The following ITGA5 variants were observed in gnomAD, a reference collection of about 807,000 sequenced individuals.
The protein encoded by ITGA5 is integrin subunit alpha 5, also known as integrin alpha-5.
Under a neutral mutation model 146.3 loss-of-function variants are expected in ITGA5, and 55 were observed. That is an observed-to-expected ratio of 0.38 (90% confidence interval 0.30 to 0.47). The LOEUF (loss-of-function observed/expected upper bound fraction) is 0.47. Among genes scored for constraint, ITGA5 ranks in the 20% least tolerant of loss-of-function variants. The pLI is 0.99. For synonymous variants in ITGA5, 500 were observed against 531.8 expected (o/e 0.94, Z 0.82); for missense variants, 1,131 against 1,329.0 (o/e 0.85, Z 2.32).
Position 54,396,018 on chromosome 12 carries a change from G to A in ITGA5, c.*275C>T. ...TCAGGAAACTCTCCAAAATGCAAAG[G>A]CTTCAGGGAGGCTGGGGCCTCTGTC... On this transcript the variant is annotated 3_prime_UTR_variant, in exon 30 of 30. Coordinates refer to ENST00000293379, the MANE Select transcript of ITGA5 (RefSeq NM_002205.5). 2.6e-6 allele frequency: 1 copy of A among 378,584 alleles called. No homozygotes were observed. The highest frequency in any genetic ancestry group is 4.9e-6 in the Non-Finnish European group (1 of 205,968). 23.5% of individuals were successfully genotyped at this position (378,584 alleles called of 1,614,324 possible).
chr12:54,408,938 T>C lies in ITGA5; in HGVS notation c.600A>G (p.Ala200=). 6.2e-7 allele frequency: 1 copy of C among 1,614,094 alleles called. No individual in the cohort carries two copies. The highest frequency in any genetic ancestry group is 8.5e-7 in the Non-Finnish European group (1 of 1,180,008). The change falls in exon 5 of 30, where the codon GCA becomes GCG. Residue 200 remains alanine (A), a synonymous_variant. Coordinates refer to ENST00000293379, the MANE Select transcript of ITGA5 (RefSeq NM_002205.5). ...APCRSDFSWA[A]GQGYCQGGFS... is the part of the protein sequence containing the mutation. ...AGCCTCCTTGGCAGTAACCCTGTCC[T>C]GCTGCCCAGCTGAAATCTGTGAGGG...
intron 1 of ITGA5, among the ~76,000 whole-genome samples, chr12:54,413,905 T>G (rs1188129448): frequency 6.6e-6 from 1 of 152,226 alleles, no homozygotes; most frequent in African/African-American, 2.4e-5. Flanking sequence ...GGGACCCTAT[T>G]CCTGCTGCCA....
Position 54,403,467 on chromosome 12 carries a change from T to C in ITGA5, c.1777-143A>G. 1 of 1,278,340 alleles carries C rather than the reference T, an allele frequency of 7.8e-7. No individual in the cohort carries two copies. The highest frequency in any genetic ancestry group is 1.1e-6 in the Non-Finnish European group (1 of 932,214). 79.2% of individuals were successfully genotyped at this position (1,278,340 alleles called of 1,614,324 possible). ...TGTTTCAGAGGCCCTGGCAGCCTGC[T>C]TCCCAGCTCCTCTGACAGAAGGTCT... is the stretch of plus-strand genomic sequence containing the variant. On this transcript the variant is annotated intron_variant, in intron 17 of 29. Transcript: ENST00000293379. This position sits in a 1 kb window ranked among gnomAD's most constrained non-coding sequence, Gnocchi z 4.9.
chr12:54,402,788 A>T (rs1014079971), intron 19 of ITGA5, among the ~76,000 whole-genome samples, 195 bp downstream of exon 19: 1 of 152,168 alleles, frequency 6.6e-6, no homozygotes, highest in African/African-American at 2.4e-5. Context: ...TAGATTTTTT[A>T]TGTAGATTAT....
At chr12:54,400,798 G>A (rs367812459) in intron 25 of ITGA5, 48 bp downstream of exon 25, 85 of 1,591,908 alleles carry the variant, frequency 5.3e-5, no homozygotes, top group Non-Finnish European at 6.8e-5. Context: ...CTCAGCCTTG[G>A]TCCTCTGAAT....
chr12:54,415,845 C>T (rs952374110), intron 1 of ITGA5, among the ~76,000 whole-genome samples: 2 of 152,188 alleles, frequency 1.3e-5, no homozygotes, highest in East Asian at 1.9e-4. Flanking sequence ...GGAAGAACAG[C>T]TGTCTCCACT....
At chr12:54,404,533 C>T (rs1955834871) in intron 13 of ITGA5, 58 bp from the exon 14 acceptor site, 2 of 1,593,646 alleles carry the variant, frequency 1.3e-6, no homozygotes, top group Admixed American at 1.7e-5. Context: ...ATCCTTTCTT[C>T]CTAACCCCTC....
rs768565382 is a variant in ITGA5, at chr12:54,403,767, T to C, written c.1634A>G (p.Glu545Gly). ...HVADSIGFTV[E>G]LQLDWQKQKG... Reference sequence around the variant, plus strand: ...CTGCTTCTGCCAGTCCAGCTGAAGTTCCACTGTGAAACCTGAAGCCAGGGA... The same window carrying C: ...CTGCTTCTGCCAGTCCAGCTGAAGTCCCACTGTGAAACCTGAAGCCAGGGA... The change falls in exon 17 of 30, where the codon GAA (glutamate) becomes GGA (glycine). Residue 545 changes from glutamate (E) to glycine (G), a missense_variant. By Grantham distance (98) the Glu-to-Gly change is moderately conservative (BLOSUM62 -2). Coordinates refer to ENST00000293379, the MANE Select transcript of ITGA5 (RefSeq NM_002205.5). The surrounding 1 kb of genome is among the most constrained non-coding windows in gnomAD (Gnocchi z 4.9). 18 of 1,613,998 alleles carry C rather than the reference T, an allele frequency of 1.1e-5. No homozygotes were observed. The African/African-American group carries it at 2.3e-4, about 20-fold the overall frequency.
At position 54,408,819 on chromosome 12, in the gene ITGA5, G is replaced by A. The variant is rs562992719; in HGVS notation, c.646-18C>T. 1.2e-6 allele frequency: 2 copies of A among 1,613,972 alleles called. No homozygotes were observed. Among genetic ancestry groups the A allele is most frequent in the Non-Finnish European group, 1.7e-6 (2 of 1,179,976 alleles). Reference sequence around the variant, plus strand: ...CGGCCAGTCTGTGGGTGAAAGGAGGGGAGTCCAACATCTGGTCCCAATCCC... The same window carrying A: ...CGGCCAGTCTGTGGGTGAAAGGAGGAGAGTCCAACATCTGGTCCCAATCCC... On this transcript the variant is annotated intron_variant, in intron 5 of 29. Coordinates refer to ENST00000293379, the MANE Select transcript of ITGA5 (RefSeq NM_002205.5).
Position 54,403,472 on chromosome 12 carries a change from A to G in ITGA5, c.1777-148T>C. The G allele has an allele frequency of 4.7e-6, 6 of 1,272,478 alleles. No homozygotes were observed. The highest frequency in any genetic ancestry group is 6.5e-6 in the Non-Finnish European group (6 of 927,918). The allele number at this position is 1,272,478 out of a possible 1,614,324, so 78.8% of individuals were successfully genotyped here. A position where few individuals can be genotyped will look rare whatever the true frequency, so the allele number is the denominator to read the frequency against. On this transcript the variant is annotated intron_variant, in intron 17 of 29. Coordinates refer to ENST00000293379, the MANE Select transcript of ITGA5 (RefSeq NM_002205.5). The surrounding 1 kb of genome is among the most constrained non-coding windows in gnomAD (Gnocchi z 4.9). ...CAGAGGCCCTGGCAGCCTGCTTCCC[A>G]GCTCCTCTGACAGAAGGTCTCCCTT...
chr12:54,409,328 G>C lies in ITGA5; in HGVS notation c.487C>G (p.Arg163Gly). 6.2e-7 allele frequency: 1 copy of C among 1,613,450 alleles called. No homozygotes were observed. Among genetic ancestry groups the C allele is most frequent in the Non-Finnish European group, 8.5e-7 (1 of 1,179,802 alleles). The part of the protein sequence containing the change: ...ILACAPLYSW[R>G]TEKEPLSDPV... ...TCGCTCAGTGGCTCCTTCTCTGTGC[G>C]CCAGCTGTACAGTGGAGCGCATGCC... Residue 163 changes from arginine (R) to glycine (G), a missense_variant, in exon 4 of 30, where the codon CGC (arginine) becomes GGC (glycine). Coordinates refer to ENST00000293379, the MANE Select transcript of ITGA5 (RefSeq NM_002205.5). This position sits in a 1 kb window ranked among gnomAD's most constrained non-coding sequence, Gnocchi z 4.7.
At position 54,403,411 on chromosome 12, in the gene ITGA5, C is replaced by G. The variant is rs1278329442; in HGVS notation, c.1777-87G>C. The G allele has an allele frequency of 2.8e-6, 4 of 1,423,284 alleles. No homozygotes were observed. The highest frequency in any genetic ancestry group is 3.8e-6 in the Non-Finnish European group (4 of 1,059,614). 88.2% of individuals were successfully genotyped at this position (1,423,284 alleles called of 1,614,324 possible). On this transcript the variant is annotated intron_variant, in intron 17 of 29. Coordinates refer to ENST00000293379, the MANE Select transcript of ITGA5 (RefSeq NM_002205.5). The surrounding 1 kb of genome is among the most constrained non-coding windows in gnomAD (Gnocchi z 4.9). ...CTCAGCCTCTCTCATCTCCCTTTGT[C>G]TGCTTAGGGCCCAATTCCGACCATC...
In ITGA5 at chr12:54,416,928, C is replaced by T. The variant is rs1956013962; in HGVS notation, c.218+2053G>A. On this transcript the variant is annotated intron_variant, in intron 1 of 29. Transcript: ENST00000293379. The surrounding 1 kb of genome is among the most constrained non-coding windows in gnomAD (Gnocchi z 4.1). ...GAACAAGAACACTGAGGCTCTCCCT[C>T]TTTGGCAATGGCTGTAGGTGAGGGG... 1.3e-5 allele frequency among the ~76,000 whole-genome samples: 2 copies of T among 152,178 alleles called. No individual in the cohort carries two copies. The highest frequency in any genetic ancestry group is 2.4e-5 in the African/African-American group (1 of 41,430).
At chr12:54,415,157 AAAAAAT>A (rs1183161808) in intron 1 of ITGA5, among the ~76,000 whole-genome samples, 29 of 152,370 alleles carry the variant, frequency 1.9e-4, no homozygotes, top group Admixed American at 1.7e-3. Context: ...TCAAAAAAAT[AAAAAAT>A]AAAAATAAAA....
Position 54,403,521 on chromosome 12 carries a change from A to G in ITGA5, c.1776+104T>C. On this transcript the variant is annotated intron_variant, in intron 17 of 29. Transcript: ENST00000293379. The surrounding 1 kb of genome is among the most constrained non-coding windows in gnomAD (Gnocchi z 4.9). The stretch of plus-strand genomic sequence containing the variant: ...TTTCTCAGCCCCTACAAGAGTCCCA[A>G]GCCCTTCACTGGAGTCCCCCAGTCT... 1 of 1,389,220 alleles carries G rather than the reference A, an allele frequency of 7.2e-7. No individual in the cohort carries two copies. The highest frequency in any genetic ancestry group is 9.8e-7 in the Non-Finnish European group (1 of 1,022,330). 86.1% of individuals were successfully genotyped at this position (1,389,220 alleles called of 1,614,324 possible). A position where few individuals can be genotyped will look rare whatever the true frequency, so the allele number is the denominator to read the frequency against.
rs907167498 is a variant in ITGA5 at position 54,396,210 on chromosome 12, G to C, written c.*83C>G. ...TCTCCCTGGCCGTCAGCACCTTCAA[G>C]AAGTACCCAGACCCCTCCTTTTCAG... On this transcript the variant is annotated 3_prime_UTR_variant, in exon 30 of 30. Coordinates refer to ENST00000293379, the MANE Select transcript of ITGA5 (RefSeq NM_002205.5). 1 of 1,146,612 alleles carries C rather than the reference G, an allele frequency of 8.7e-7. No individual in the cohort carries two copies. The highest frequency in any genetic ancestry group is 1.5e-5 in the African/African-American group (1 of 65,460). 71.0% of individuals were successfully genotyped at this position (1,146,612 alleles called of 1,614,324 possible).
rs1156918798 is a variant in ITGA5 at position 54,396,448 on chromosome 12, G to A, written c.3067-72C>T. 5 of 1,259,722 alleles carry A rather than the reference G, an allele frequency of 4.0e-6. No homozygotes were observed. In the African/African-American group the frequency reaches 5.9e-5, roughly 15 times the overall value. 78.0% of individuals were successfully genotyped at this position (1,259,722 alleles called of 1,614,324 possible). A position where few individuals can be genotyped will look rare whatever the true frequency, so the allele number is the denominator to read the frequency against. On this transcript the variant is annotated intron_variant, in intron 29 of 29. Transcript: ENST00000293379. Reference sequence around the variant, plus strand: ...TTCTCCACAGCTCTTATTCCAAGAAGTAATAAGGAGGACTCTAGTGCCTCC... The same window carrying A: ...TTCTCCACAGCTCTTATTCCAAGAAATAATAAGGAGGACTCTAGTGCCTCC...
In ITGA5 at chr12:54,398,687, C is replaced by G. The variant is rs150955083; in HGVS notation, c.2853G>C (p.Gln951His). Residue 951 changes from glutamine to histidine, a missense_variant, in exon 28 of 30, where the codon CAG (glutamine) becomes CAC (histidine). By Grantham distance (24) the Gln-to-His change is conservative. This residue lies in a region of ITGA5 where 889 missense variants were observed against 1,021.5 expected (regional missense o/e 0.87). Coordinates refer to ENST00000293379, the MANE Select transcript of ITGA5 (RefSeq NM_002205.5). Reference protein sequence around the residue: ...WAKTFLQREHQPFSLQCEAVY... With the variant: ...WAKTFLQREHHPFSLQCEAVY... ...CAGCCTCACACTGCAGGCTAAATGGCTGGTGCTCCCGCTGTGGGTAGGGGA... is the reference window on the plus strand; with the variant it reads ...CAGCCTCACACTGCAGGCTAAATGGGTGGTGCTCCCGCTGTGGGTAGGGGA... 1.4e-4 allele frequency: 230 copies of G among 1,602,094 alleles called. 2 individuals are homozygous for G. The African/African-American group carries it at 2.8e-3, about 19-fold the overall frequency.
intron 1 of ITGA5, among the ~76,000 whole-genome samples, chr12:54,413,669 C>A (rs529600685): frequency 4.6e-5 from 7 of 152,194 alleles, no homozygotes; most frequent in Non-Finnish European, 8.8e-5. Context: ...GGGCAGCCCC[C>A]AGAGAACTTG....
Sources: gnomAD v4.1 joint callset for allele counts (sites outside exome capture counted in the v4.1 genomes callset) on GRCh38, gnomAD v4.1.1 for gene constraint, gnomAD v4.1.1 regional missense constraint, Gnocchi (gnomAD v3.1) non-coding constraint, MANE v1.5 for transcripts, NCBI Gene and HGNC (gene_info 2026-07-23, HGNC 2026-07-21) for gene names.